Variants in CPT1C observed in about 807,000 individuals in gnomAD.
CPT1C encodes palmitoyl thioesterase CPT1C.
A neutral mutation model predicts 97.3 loss-of-function variants in CPT1C; 61 were observed. The ratio of observed to expected loss-of-function variants is 0.63; its 90% confidence interval spans 0.51 to 0.78. CPT1C has a LOEUF of 0.78. CPT1C is among the 30% of genes least tolerant of loss of function. The probability of loss-of-function intolerance (pLI) is 0.00; values close to 1 mark genes in which losing one functional copy is unlikely to be tolerated. For missense variants in CPT1C, 975 were observed against 1,065.5 expected (o/e 0.92, Z 1.18); for synonymous variants, 469 against 447.2 (o/e 1.05, Z -0.61).
intron 7 of CPT1C, among the ~76,000 whole-genome samples, chr19:49,703,755 C>G (rs1467407763): frequency 6.6e-6 from 1 of 151,840 alleles, no homozygotes; most frequent in Non-Finnish European, 1.5e-5. Context: ...ATCTCAGCCT[C>G]CTGAGTAGCT....
At chr19:49,698,110 A>C (rs1248405305) in intron 4 of CPT1C, among the ~76,000 whole-genome samples, 1 of 151,938 alleles carries the variant, frequency 6.6e-6, no homozygotes, top group Admixed American at 6.6e-5. Context: ...CATGCCTGTA[A>C]TCCCAGCACT....
In CPT1C at chr19:49,706,538, CT is replaced by C; in HGVS notation, c.1343+126del. ...ACCTGCAGAGTCTGTAGACCAGGGG[CT>C]GCATAGAGCTGAGGACCCCAGACCC... On this transcript the variant is annotated intron_variant, in intron 12 of 19. Coordinates refer to ENST00000598293, the MANE Select transcript of CPT1C (RefSeq NM_001199753.2). The surrounding 1 kb of genome is among the most constrained non-coding windows in gnomAD (Gnocchi z 4.8). 2.4e-6 allele frequency: 2 copies of C among 831,506 alleles called. No individual in the cohort carries two copies. Among genetic ancestry groups the C allele is most frequent in the Non-Finnish European group, 3.3e-6 (2 of 602,608 alleles). 51.5% of individuals were successfully genotyped at this position (831,506 alleles called of 1,614,324 possible).
chr19:49,694,082 AATAAAAAATAAATAAATAAAT>A (rs1450990349), intron 3 of CPT1C, among the ~76,000 whole-genome samples: 3 of 143,016 alleles, frequency 2.1e-5, no homozygotes, highest in African/African-American at 8.1e-5. Context: ...AATAAAATAA[AATAAAAAATAAATAAATAAAT>A]AAATAAATAA....
intron 3 of CPT1C, 86 bp downstream of exon 3, chr19:49,692,479 T>C (rs1295737052): frequency 6.6e-7 from 1 of 1,521,132 alleles, no homozygotes; most frequent in African/African-American, 1.4e-5. Context: ...GCATTTCAGC[T>C]GGTTCATTTC....
Position 49,710,759 on chromosome 19 carries a change from A to G in CPT1C, c.1768A>G (p.Met590Val), listed in dbSNP as rs1208016306. 19 of 1,613,994 alleles carry G rather than the reference A, an allele frequency of 1.2e-5. No homozygotes were observed. The highest frequency in any genetic ancestry group is 3.3e-5 in the Admixed American group (2 of 60,006). The change falls in exon 16 of 20, where the codon ATG (methionine) becomes GTG (valine). Residue 590 changes from methionine to valine, a missense_variant. Met to Val is a conservative substitution (Grantham distance 21). Coordinates refer to ENST00000598293, the MANE Select transcript of CPT1C (RefSeq NM_001199753.2). The stretch of plus-strand genomic sequence containing the variant: ...ATTCTGCCTGACTTATGAGTCGGCC[A>G]TGACTCGCTTATTCCTGGAAGGCCG... ...GQFCLTYESA[M>V]TRLFLEGRTE...
chr19:49,697,639 TCAC>T, intron 4 of CPT1C, 174 bp downstream of exon 4: 2 of 688,074 alleles, frequency 2.9e-6, no homozygotes, highest in Non-Finnish European at 4.7e-6. Context: ...GCACAGTGGC[TCAC>T]CCCTGTAATC....
intron 3 of CPT1C, among the ~76,000 whole-genome samples, chr19:49,697,063 C>G (rs1254845638): frequency 2.0e-5 from 3 of 152,198 alleles, no homozygotes; most frequent in Non-Finnish European, 2.9e-5. Flanking sequence ...ATATCCTCCT[C>G]CAGGGAGCCC....
chr19:49,712,543 G>C, intron 17 of CPT1C, 193 bp from the exon 18 acceptor site: 1 of 590,804 alleles, frequency 1.7e-6, no homozygotes, highest in South Asian at 2.0e-5. Flanking sequence ...AGAGGAGAGG[G>C]ACGTGGGTGT....
At chr19:49,703,116 C>T (rs1312897206) in intron 7 of CPT1C, among the ~76,000 whole-genome samples, 1 of 140,742 alleles carries the variant, frequency 7.1e-6, no homozygotes, top group African/African-American at 2.6e-5. Flanking sequence ...TCTTTCTTCC[C>T]TTCCTTCCCT....
Position 49,710,793 on chromosome 19 carries a change from C to T in CPT1C, c.1802C>T (p.Thr601Met), listed in dbSNP as rs747214352. Residue 601 changes from threonine (T) to methionine (M), a missense_variant, in exon 16 of 20, where the codon ACG (threonine) becomes ATG (methionine). By Grantham distance (81) the Thr-to-Met change is moderately conservative. This residue lies in a region of CPT1C where 344 missense variants were observed against 395.7 expected (regional missense o/e 0.87). Transcript: ENST00000598293. ...TTATTCCTGGAAGGCCGGACGGAGACGGTGCGGTCTTGCACGAGGGAGGCC... is the reference window on the plus strand; with the variant it reads ...TTATTCCTGGAAGGCCGGACGGAGATGGTGCGGTCTTGCACGAGGGAGGCC... Reference protein sequence around the residue: ...TRLFLEGRTETVRSCTREACN... With the variant: ...TRLFLEGRTEMVRSCTREACN... The T allele has an allele frequency of 1.9e-5, 30 of 1,613,960 alleles. No individual in the cohort carries two copies. Among genetic ancestry groups the T allele is most frequent in the South Asian group, 1.2e-4 (11 of 91,086 alleles).
intron 7 of CPT1C, among the ~76,000 whole-genome samples, chr19:49,703,404 G>A (rs1406988076): frequency 2.0e-5 from 3 of 147,750 alleles, no homozygotes; most frequent in Non-Finnish European, 4.5e-5. Flanking sequence ...GTTTCACCGT[G>A]TTAGCCAGGA....
At chr19:49,709,724 T>G (rs890464379) in intron 14 of CPT1C, among the ~76,000 whole-genome samples, 2 of 151,524 alleles carry the variant, frequency 1.3e-5, no homozygotes, top group Non-Finnish European at 2.9e-5. Context: ...CCGGCTAAAT[T>G]TTTTTATTTT....
chr19:49,701,386 C>T lies in CPT1C; in HGVS notation c.523C>T (p.Pro175Ser), dbSNP rs1476594467. Reference protein sequence around the residue: ...FSYQRSLPRQPVPSVQDTVRK... With the variant: ...FSYQRSLPRQSVPSVQDTVRK... ...TTACCAGCGCTCCCTGCCACGCCAG[C>T]CCGTGCCCTCTGTGCAGGACACCGT... Residue 175 changes from proline (P) to serine (S), a missense_variant, in exon 6 of 20, where the codon CCC becomes TCC. By Grantham distance (74) the Pro-to-Ser change is moderately conservative. Coordinates refer to ENST00000598293, the MANE Select transcript of CPT1C (RefSeq NM_001199753.2). 9 of 1,613,628 alleles carry T rather than the reference C, an allele frequency of 5.6e-6. No individual in the cohort carries two copies. The highest frequency in any genetic ancestry group is 7.6e-6 in the Non-Finnish European group (9 of 1,179,910).
In CPT1C at chr19:49,700,792, G is replaced by A. The variant is rs778286208; in HGVS notation, c.390G>A (p.Leu130=). 8.1e-6 allele frequency: 13 copies of A among 1,613,480 alleles called. No homozygotes were observed. Among genetic ancestry groups the A allele is most frequent in the Admixed American group, 3.3e-5 (2 of 60,028 alleles). ...TGCACGTGGCCCTGAGGCTGCTTCT[G>A]TCCTACCACGGCTGGCTTCTTGAGC... ...FTLHVALRLL[L]SYHGWLLEPH... The change falls in exon 5 of 20, where the codon CTG becomes CTA. Residue 130 remains leucine (L), a synonymous_variant. Coordinates refer to ENST00000598293, the MANE Select transcript of CPT1C (RefSeq NM_001199753.2).
At chr19:49,695,195 TAG>T (rs2123138728) in intron 3 of CPT1C, among the ~76,000 whole-genome samples, 1 of 151,754 alleles carries the variant, frequency 6.6e-6, no homozygotes, top group African/African-American at 2.4e-5. Context: ...CATACATACA[TAG>T]ATACATACAT....
rs1197366463 is a variant in CPT1C, at chr19:49,706,070, G to A, written c.1126G>A (p.Glu376Lys). 7 of 1,613,784 alleles carry A rather than the reference G, an allele frequency of 4.3e-6. No homozygotes were observed. Among genetic ancestry groups the A allele is most frequent in the East Asian group, 4.5e-5 (2 of 44,844 alleles). The change falls in exon 11 of 20, where the codon GAG becomes AAG. Residue 376 changes from glutamate (E) to lysine (K), a missense_variant. Around this residue, in one of 3 missense-constraint regions of CPT1C, gnomAD observed 596 missense variants for 603.1 expected, o/e 0.99. Coordinates refer to ENST00000598293, the MANE Select transcript of CPT1C (RefSeq NM_001199753.2). This position sits in a 1 kb window ranked among gnomAD's most constrained non-coding sequence, Gnocchi z 4.8. ...TGATCCCTCACCGGCCTGCCCCCAC[G>A]AGGAACATCTGGCAGCTCTGACAGC... The part of the protein sequence containing the change: ...LDDPSPACPH[E>K]EHLAALTAAP...
Position 49,692,309 on chromosome 19 carries a change from T to G in CPT1C, c.57T>G (p.Ala19=), listed in dbSNP as rs1245756349. 1 of 1,614,114 alleles carries G rather than the reference T, an allele frequency of 6.2e-7. No homozygotes were observed. Among genetic ancestry groups the G allele is most frequent in the South Asian group, 1.1e-5 (1 of 91,090 alleles). The change falls in exon 3 of 20, where the codon GCT becomes GCG. Residue 19 remains alanine (A), a synonymous_variant. Transcript: ENST00000598293. ...GFRPSLTSDG[A]EVELSAPVLQ... is the part of the protein sequence containing the mutation. ...GACCCTCGCTGACCTCGGACGGGGC[T>G]GAAGTGGAACTCAGTGCCCCTGTGC... is the stretch of plus-strand genomic sequence containing the variant.
In CPT1C at chr19:49,711,755, C is replaced by T. The variant is rs560648564; in HGVS notation, c.1867-54C>T. 3.9e-6 allele frequency: 6 copies of T among 1,553,374 alleles called. No homozygotes were observed. In the South Asian group the frequency reaches 7.1e-5, roughly 18 times the overall value. ...GAGGCCAGATGTGCCGCAGGCCCAGCCCTAAGTCGACTTCCTGTCTTTCCA... is the reference window on the plus strand; with the variant it reads ...GAGGCCAGATGTGCCGCAGGCCCAGTCCTAAGTCGACTTCCTGTCTTTCCA... On this transcript the variant is annotated intron_variant, in intron 16 of 19. Coordinates refer to ENST00000598293, the MANE Select transcript of CPT1C (RefSeq NM_001199753.2).
In CPT1C at chr19:49,702,049, A is replaced by T. The variant is rs537362354; in HGVS notation, c.693+415A>T. Among the ~76,000 whole-genome samples the T allele has an allele frequency of 6.3e-3, 485 of 77,204 alleles. 78 individuals are homozygous for T. The highest frequency in any genetic ancestry group is 8.3e-3 in the Non-Finnish European group (413 of 50,032). 50.6% of individuals were successfully genotyped at this position (77,204 alleles called of 152,430 possible). ...ATTATAAATATATATTTATTTATAA[A>T]TTATAAATATATATTTATTTATAAA... On this transcript the variant is annotated intron_variant, in intron 7 of 19. Transcript: ENST00000598293.
Sources: allele counts gnomAD v4.1 joint callset (sites outside exome capture counted in the v4.1 genomes callset), GRCh38; gene constraint gnomAD v4.1.1; regional missense constraint gnomAD v4.1.1; non-coding constraint Gnocchi (gnomAD v3.1); transcripts MANE v1.5; gene names NCBI Gene and HGNC (gene_info 2026-07-23, HGNC 2026-07-21).